GNL2: variants seen among roughly 807,000 people sequenced by gnomAD.
GNL2 encodes nucleolar GTP-binding protein 2.
GNL2 carries 51 observed loss-of-function variants against 92.3 expected under a neutral mutation model. The observed-to-expected ratio is 0.55, with a 90% confidence interval of 0.44 to 0.70. The LOEUF is 0.70. Among genes scored for constraint, GNL2 ranks in the 30% least tolerant of loss-of-function variants. The probability of loss-of-function intolerance (pLI) is 0.00; values close to 1 mark genes in which losing one functional copy is unlikely to be tolerated. For missense variants in GNL2, 844 were observed against 895.6 expected (o/e 0.94, Z 0.74); for synonymous variants, 283 against 300.6 (o/e 0.94, Z 0.61).
At chr1:37,591,665 C>T (rs893900207) in intron 3 of GNL2, among the ~76,000 whole-genome samples, 1 of 152,026 alleles carries the variant, frequency 6.6e-6, no homozygotes, top group African/African-American at 2.4e-5. Context: ...ACCACAACAC[C>T]TGGCTAATTT....
chr1:37,584,182 C>T (rs1460183839), intron 5 of GNL2, among the ~76,000 whole-genome samples: 1 of 152,174 alleles, frequency 6.6e-6, no homozygotes, highest in East Asian at 1.9e-4. Flanking sequence ...GGCTCAGTGG[C>T]TCACACCTGT....
Position 37,575,568 on chromosome 1 carries a change from A to G in GNL2, c.1143+27T>C. 7.3e-7 allele frequency: 1 copy of G among 1,379,190 alleles called. No individual in the cohort carries two copies. Among genetic ancestry groups the G allele is most frequent in the South Asian group, 1.3e-5 (1 of 75,156 alleles). The allele number at this position is 1,379,190 out of a possible 1,614,324, so 85.4% of individuals were successfully genotyped here. A position where few individuals can be genotyped will look rare whatever the true frequency, so the allele number is the denominator to read the frequency against. Reference sequence around the variant, plus strand: ...TATAGAACACTCCCCCGCAAACACAAACAGCCTATCAGGGCCAAATACTCA... The same window carrying G: ...TATAGAACACTCCCCCGCAAACACAGACAGCCTATCAGGGCCAAATACTCA... On this transcript the variant is annotated intron_variant, in intron 10 of 15. Transcript: ENST00000373062. This position sits in a 1 kb window ranked among gnomAD's most constrained non-coding sequence, Gnocchi z 4.1.
chr1:37,574,535 C>T (rs1346887625), intron 11 of GNL2, 79 bp from the exon 12 acceptor site: 14 of 1,410,702 alleles, frequency 9.9e-6, no homozygotes, highest in Non-Finnish European at 1.4e-5. Flanking sequence ...TTCAGTTGTC[C>T]CAGGGGTTCA....
intron 12 of GNL2, among the ~76,000 whole-genome samples, chr1:37,573,858 C>A (rs1387599437): frequency 1.3e-5 from 2 of 152,100 alleles, no homozygotes; most frequent in Non-Finnish European, 2.9e-5. Flanking sequence ...CGCCATGGGC[C>A]AGCAGTGGCT....
At chr1:37,582,199 G>A in intron 8 of GNL2, 24 bp downstream of exon 8, 2 of 1,462,152 alleles carry the variant, frequency 1.4e-6, no homozygotes, top group Non-Finnish European at 1.9e-6. Flanking sequence ...ACAACTCCAG[G>A]AGAAACAGAT....
Position 37,569,281 on chromosome 1 carries a change from C to G in GNL2, c.1438G>C (p.Glu480Gln). 6.2e-7 allele frequency: 1 copy of G among 1,611,002 alleles called. No individual in the cohort carries two copies. The highest frequency in any genetic ancestry group is 1.1e-5 in the South Asian group (1 of 91,046). Residue 480 changes from glutamate (E) to glutamine (Q), a missense_variant, in exon 13 of 16, where the codon GAA (glutamate) becomes CAA (glutamine). Coordinates refer to ENST00000373062, the MANE Select transcript of GNL2 (RefSeq NM_013285.3). ...TTCTGGGCTGCTTCTGGGACAACTT[C>G]CAAAGATGAGGAGGGTAGAAGCTAT... Reference protein sequence around the residue: ...APQLLPSSSLEVVPEAAQNNP... With the variant: ...APQLLPSSSLQVVPEAAQNNP...
chr1:37,575,481 C>T lies in GNL2; in HGVS notation c.1143+114G>A. 1 of 590,888 alleles carries T rather than the reference C, an allele frequency of 1.7e-6. No homozygotes were observed. Among genetic ancestry groups the T allele is most frequent in the East Asian group, 3.0e-5 (1 of 33,188 alleles). 36.6% of individuals were successfully genotyped at this position (590,888 alleles called of 1,614,324 possible). On this transcript the variant is annotated intron_variant, in intron 10 of 15. Coordinates refer to ENST00000373062, the MANE Select transcript of GNL2 (RefSeq NM_013285.3). This position sits in a 1 kb window ranked among gnomAD's most constrained non-coding sequence, Gnocchi z 4.1. ...CAGCATCATGTTCCTAAAGTTTGGT[C>T]AGACAGGCTGACCCCAAACTGCCTT...
At chr1:37,572,640 AC>A (rs1440320373) in intron 12 of GNL2, among the ~76,000 whole-genome samples, 1 of 152,050 alleles carries the variant, frequency 6.6e-6, no homozygotes, top group Non-Finnish European at 1.5e-5. Context: ...CCCATACCTT[AC>A]CCTGTGCACC....
At chr1:37,580,032 G>C (rs913613882) in intron 8 of GNL2, among the ~76,000 whole-genome samples, 1 of 152,152 alleles carries the variant, frequency 6.6e-6, no homozygotes, top group Admixed American at 6.5e-5. Context: ...GACAATATCA[G>C]ACTAAAGTCT....
Position 37,569,154 on chromosome 1 carries a change from A to AT in GNL2, c.1564dup (p.Met522AsnfsTer14). ...CCGAACTCGTGTGAGAATCTGCTGC[A>AT]TCTCTGTGTTAGCATCACAGTGACT... On this transcript the variant is annotated frameshift_variant, in exon 13 of 16. Coordinates refer to ENST00000373062, the MANE Select transcript of GNL2 (RefSeq NM_013285.3). LOFTEE classifies it high-confidence loss of function. The AT allele has an allele frequency of 6.2e-7, 1 of 1,614,154 alleles. No individual in the cohort carries two copies. Among genetic ancestry groups the AT allele is most frequent in the Non-Finnish European group, 8.5e-7 (1 of 1,180,004 alleles).
At position 37,590,862 on chromosome 1, in the gene GNL2, G is replaced by T. The variant is rs1341840643; in HGVS notation, c.245-17C>A. The T allele has an allele frequency of 3.3e-6, 5 of 1,536,562 alleles. No homozygotes were observed. Among genetic ancestry groups the T allele is most frequent in the Non-Finnish European group, 4.4e-6 (5 of 1,144,092 alleles). Reference sequence around the variant, plus strand: ...GTGTGTTTCCTGTTTTACAAATAAAGAATGTTGCCACTTAGTTAATATTTG... The same window carrying T: ...GTGTGTTTCCTGTTTTACAAATAAATAATGTTGCCACTTAGTTAATATTTG... On this transcript the variant is annotated splice_polypyrimidine_tract_variant and intron_variant, in intron 3 of 15. Transcript: ENST00000373062.
intron 6 of GNL2, 46 bp from the exon 7 acceptor site, chr1:37,582,982 A>C: frequency 1.5e-6 from 2 of 1,336,604 alleles, no homozygotes; most frequent in Non-Finnish European, 2.1e-6. Flanking sequence ...GTACAAATAA[A>C]AGAGGGATGA....
chr1:37,568,350 T>C lies in GNL2; in HGVS notation c.1876A>G (p.Lys626Glu), dbSNP rs1455352183. ...AKKFSAVRIS[K>E]GLSEKIFAKP... ...GCAAATATCTTTTCACTCAGTCCCT[T>C]GGATATTCTGAAACAGAAAAGCAAA... is the stretch of plus-strand genomic sequence containing the variant. Residue 626 changes from lysine (K) to glutamate (E), a missense_variant, in exon 14 of 16, where the codon AAG becomes GAG. Lys to Glu is a moderately conservative substitution (Grantham distance 56, BLOSUM62 1). Transcript: ENST00000373062. The C allele has an allele frequency of 4.4e-6, 7 of 1,603,830 alleles. No individual in the cohort carries two copies. Among genetic ancestry groups the C allele is most frequent in the African/African-American group, 2.7e-5 (2 of 74,746 alleles).
chr1:37,580,888 T>C (rs1013930262), intron 8 of GNL2, among the ~76,000 whole-genome samples: 1 of 152,222 alleles, frequency 6.6e-6, no homozygotes, highest in East Asian at 1.9e-4. Context: ...TTTACAGTCA[T>C]GACAATGTAA....
chr1:37,568,913 C>T lies in GNL2; in HGVS notation c.1806G>A (p.Glu602=), dbSNP rs112742898. The T allele has an allele frequency of 7.7e-5, 125 of 1,614,168 alleles. No individual in the cohort carries two copies. In the African/African-American group the frequency reaches 1.4e-3, roughly 18 times the overall value. Residue 602 remains glutamate, a synonymous_variant, in exon 13 of 16, where the codon GAG becomes GAA. Transcript: ENST00000373062. ...DTKAVIKALD[E]KIAKYQKFLD... ...GAAACTTCTGATATTTGGCAATCTT[C>T]TCATCCAGTGCTTTAATAACGGCTT...
chr1:37,595,842 C>A lies in GNL2; in HGVS notation c.-20G>T. 6.2e-7 allele frequency: 1 copy of A among 1,612,022 alleles called. No homozygotes were observed. On this transcript the variant is annotated 5_prime_UTR_variant, in exon 1 of 16. Coordinates refer to ENST00000373062, the MANE Select transcript of GNL2 (RefSeq NM_013285.3). ...CACCATCTTGGCGACGAGACCGGGACCGGAGTGCGAGGTCCGGCTTACGTG... is the reference window on the plus strand; with the variant it reads ...CACCATCTTGGCGACGAGACCGGGAACGGAGTGCGAGGTCCGGCTTACGTG...
intron 5 of GNL2, among the ~76,000 whole-genome samples, chr1:37,585,208 G>A (rs11577559): frequency 0.051 from 7,712 of 151,630 alleles, 285 homozygotes; most frequent in Non-Finnish European, 0.077. Context: ...ACAGGTGTGC[G>A]CCCCTGCGTC....
intron 5 of GNL2, among the ~76,000 whole-genome samples, chr1:37,585,879 T>C (rs538326691): frequency 5.1e-4 from 77 of 152,286 alleles, no homozygotes; most frequent in Non-Finnish European, 8.8e-4. Context: ...GAATGAGAGC[T>C]TTCTAGCACT....
At chr1:37,582,714 G>T in intron 7 of GNL2, 64 bp downstream of exon 7, 1 of 1,285,436 alleles carries the variant, frequency 7.8e-7, no homozygotes, top group Non-Finnish European at 1.1e-6. Context: ...TAGCCTAAAA[G>T]CCCTACAACT....
Sources: gnomAD v4.1 joint callset for allele counts (sites outside exome capture counted in the v4.1 genomes callset) on GRCh38, gnomAD v4.1.1 for gene constraint, Gnocchi (gnomAD v3.1) non-coding constraint, MANE v1.5 for transcripts, NCBI Gene and HGNC (gene_info 2026-07-23, HGNC 2026-07-21) for gene names.